NASP: variants seen among roughly 807,000 people sequenced by gnomAD.
NASP encodes NASP histone chaperone.
NASP carries 24 observed loss-of-function variants against 89.5 expected under a neutral mutation model. The ratio of observed to expected loss-of-function variants is 0.27; its 90% CI spans 0.19 to 0.38. NASP has a LOEUF of 0.38. NASP is among the 10% of genes least tolerant of loss of function. The pLI, the probability that NASP is intolerant of heterozygous loss-of-function variation, is 1.00. For synonymous variants in NASP, 306 were observed against 324.7 expected, an observed-to-expected ratio of 0.94 and a Z score of 0.62; for missense variants, 848 against 921.4, an observed-to-expected ratio of 0.92 and a Z score of 1.03.
At chr1:45,586,285 GT>G (rs1557646519) in intron 1 of NASP, among the ~76,000 whole-genome samples, 8 of 79,974 alleles carry the variant, frequency 1.0e-4, no homozygotes, top group African/African-American at 1.9e-4. Context: ...TGTGTGTGTG[GT>G]GTGTGTGTGT....
At chr1:45,595,818 G>T (rs573715370) in intron 2 of NASP, among the ~76,000 whole-genome samples, 2 of 152,258 alleles carry the variant, frequency 1.3e-5, no homozygotes, top group African/African-American at 4.8e-5. Flanking sequence ...TGGTTTTAAG[G>T]TAACCTGGCA....
Position 45,614,324 on chromosome 1 carries a change from G to T in NASP, c.1624G>T (p.Ala542Ser). The change falls in exon 9 of 15, where the codon GCC becomes TCC. Residue 542 changes from alanine to serine, a missense_variant. Physicochemically the swap from Ala to Ser is moderately conservative, Grantham distance 99. Transcript: ENST00000350030. ...AACAAAAGAAGCACAGCTTTATGCTGCCCAGGCACATCTTAAACTCGGAGA... is the reference window on the plus strand; with the variant it reads ...AACAAAAGAAGCACAGCTTTATGCTTCCCAGGCACATCTTAAACTCGGAGA... ...QETKEAQLYA[A>S]QAHLKLGEVS... 2 of 1,614,074 alleles carry T rather than the reference G, an allele frequency of 1.2e-6. No homozygotes were observed. The highest frequency in any genetic ancestry group is 1.7e-6 in the Non-Finnish European group (2 of 1,179,930).
chr1:45,604,260 C>A (rs923255488), intron 3 of NASP, among the ~76,000 whole-genome samples: 9 of 152,206 alleles, frequency 5.9e-5, no homozygotes, highest in Non-Finnish European at 1.2e-4. Context: ...GAAGTACTTT[C>A]TCCTTTTGTT....
chr1:45,598,061 G>A (rs1643742857), intron 2 of NASP, among the ~76,000 whole-genome samples: 1 of 151,962 alleles, frequency 6.6e-6, no homozygotes, highest in Non-Finnish European at 1.5e-5. Flanking sequence ...TACTAAAATA[G>A]TCTTGTTTAT....
chr1:45,608,777 G>T (rs557186204), intron 6 of NASP, among the ~76,000 whole-genome samples: 1 of 152,236 alleles, frequency 6.6e-6, no homozygotes, highest in African/African-American at 2.4e-5. Flanking sequence ...TTTTCTGTGC[G>T]TTGGGAAGCA....
rs566729532 is a variant in NASP, at chr1:45,602,384, G to A, written c.218+19G>A. On this transcript the variant is annotated intron_variant, in intron 3 of 14. Coordinates refer to ENST00000350030, the MANE Select transcript of NASP (RefSeq NM_002482.4). Reference sequence around the variant, plus strand: ...GTCTTTTGTAAGTATTGTATATTTTGCTATGATGTAATATTATGTTCTAAT... The same window carrying A: ...GTCTTTTGTAAGTATTGTATATTTTACTATGATGTAATATTATGTTCTAAT... The A allele has an allele frequency of 3.7e-6, 6 of 1,604,496 alleles. No homozygotes were observed. The highest frequency in any genetic ancestry group is 2.2e-5 in the South Asian group (2 of 90,402).
intron 1 of NASP, among the ~76,000 whole-genome samples, chr1:45,586,314 G>A (rs1644549309): frequency 6.8e-6 from 1 of 148,052 alleles, no homozygotes; most frequent in Non-Finnish European, 1.5e-5. Context: ...TGTGTGGTGT[G>A]TGTGTGTGTC....
Position 45,606,541 on chromosome 1 carries a change from G to A in NASP, c.359G>A (p.Gly120Glu). The stretch of plus-strand genomic sequence containing the variant: ...GGTGTGCATGTGGAAGAGGAAGAAG[G>A]AGAAAAAACAGAAGATGAATCTCTG... ...LEGVHVEEEEGEKTEDESLVE... is the reference protein window; with the variant it reads ...LEGVHVEEEEEEKTEDESLVE... The change falls in exon 5 of 15, where the codon GGA becomes GAA. Residue 120 changes from glycine (G) to glutamate (E), a missense_variant. Gly to Glu is a moderately conservative substitution (Grantham distance 98, BLOSUM62 -2). Coordinates refer to ENST00000350030, the MANE Select transcript of NASP (RefSeq NM_002482.4). 3.1e-6 allele frequency: 5 copies of A among 1,613,764 alleles called. No individual in the cohort carries two copies. The highest frequency in any genetic ancestry group is 4.2e-6 in the Non-Finnish European group (5 of 1,179,720).
At chr1:45,590,563 AAAAAG>A (rs1179553832) in intron 1 of NASP, among the ~76,000 whole-genome samples, 3 of 151,232 alleles carry the variant, frequency 2.0e-5, no homozygotes, top group African/African-American at 4.8e-5. Flanking sequence ...AAAAAAAAAA[AAAAAG>A]AAAAGAAATT....
intron 3 of NASP, among the ~76,000 whole-genome samples, chr1:45,604,332 A>G (rs1401641357): frequency 6.6e-6 from 1 of 152,240 alleles, no homozygotes; most frequent in East Asian, 1.9e-4. Flanking sequence ...GCTAAGACTT[A>G]ATACACAGTG....
intron 7 of NASP, 35 bp downstream of exon 7, chr1:45,613,283 T>G: frequency 2.5e-6 from 4 of 1,570,078 alleles, no homozygotes; most frequent in Non-Finnish European, 3.4e-6. Context: ...GTTGTCAGCC[T>G]TTTTCTGTTT....
chr1:45,615,553 G>C, intron 11 of NASP, 82 bp downstream of exon 11: 1 of 1,387,226 alleles, frequency 7.2e-7, no homozygotes, highest in South Asian at 1.4e-5. Flanking sequence ...TTTTCATCAT[G>C]ACTTGGTTTC....
intron 2 of NASP, chr1:45,600,422 G>T (rs1643811803): frequency 7.8e-7 from 1 of 1,289,864 alleles, no homozygotes; most frequent in Non-Finnish European, 1.0e-6. Context: ...AAGATGGGTT[G>T]CATTTTGTAG....
intron 1 of NASP, among the ~76,000 whole-genome samples, chr1:45,587,591 T>C (rs1644570862): frequency 6.7e-6 from 1 of 148,516 alleles, no homozygotes; most frequent in Admixed American, 6.8e-5. Context: ...CTACATATCT[T>C]TTATGCATTG....
chr1:45,613,536 C>T (rs1199082467), intron 7 of NASP, among the ~76,000 whole-genome samples: 2 of 152,138 alleles, frequency 1.3e-5, no homozygotes, highest in African/African-American at 4.8e-5. Flanking sequence ...GGCCGGAGTG[C>T]ACTGGCATGA....
At chr1:45,597,447 T>C (rs1557654622) in intron 2 of NASP, among the ~76,000 whole-genome samples, 1 of 152,082 alleles carries the variant, frequency 6.6e-6, no homozygotes, top group Non-Finnish European at 1.5e-5. Flanking sequence ...TCCTGTACTT[T>C]AATGAAAAGA....
intron 1 of NASP, among the ~76,000 whole-genome samples, chr1:45,588,407 A>G (rs941899407): frequency 6.6e-6 from 1 of 152,080 alleles, no homozygotes; most frequent in South Asian, 2.1e-4. Flanking sequence ...CCCAGGCTAC[A>G]CTTCTTTTTT....
At position 45,607,670 on chromosome 1, in the gene NASP, G is replaced by A; in HGVS notation, c.759G>A (p.Glu253=). The part of the protein sequence containing the change: ...KSVSGTDVQE[E]CREKGGQEKQ... The stretch of plus-strand genomic sequence containing the variant: ...TTTCTGGAACTGATGTCCAAGAAGA[G>A]TGCAGAGAAAAAGGAGGTCAGGAGA... The change falls in exon 6 of 15, where the codon GAG becomes GAA. Residue 253 remains glutamate (E), a synonymous_variant. Transcript: ENST00000350030. 1 of 1,614,192 alleles carries A rather than the reference G, an allele frequency of 6.2e-7. No homozygotes were observed. Among genetic ancestry groups the A allele is most frequent in the African/African-American group, 1.3e-5 (1 of 75,046 alleles).
At position 45,588,957 on chromosome 1, in the gene NASP, GTGTTTGTT is replaced by G. The variant is rs56181355; in HGVS notation, c.60-2246_60-2239del. The G allele has an allele frequency of 1.2e-3, 198 of 161,194 alleles. No individual in the cohort carries two copies. In the East Asian group the frequency reaches 0.02, roughly 16 times the overall value. 10.0% of individuals were successfully genotyped at this position (161,194 alleles called of 1,614,324 possible). ...AGAATGAGCAGTAGCAGGTGGTCAA[GTGTTTGTT>G]TGTTTGTTTGTTTGTTTGTGAGTGT... On this transcript the variant is annotated intron_variant, in intron 1 of 14. Coordinates refer to ENST00000350030, the MANE Select transcript of NASP (RefSeq NM_002482.4).
Sources: allele counts gnomAD v4.1 joint callset (sites outside exome capture counted in the v4.1 genomes callset), GRCh38; gene constraint gnomAD v4.1.1; transcripts MANE v1.5; gene names NCBI Gene and HGNC (gene_info 2026-07-23, HGNC 2026-07-21).